Variants in RERE observed in about 807,000 individuals in gnomAD.
RERE encodes arginine-glutamic acid dipeptide repeats.
RERE carries 40 observed loss-of-function variants against 146.1 expected under a neutral mutation model. That is an observed-to-expected ratio of 0.27 (90% confidence interval 0.21 to 0.36). The LOEUF is 0.36. Ranked by LOEUF, RERE falls within the 10% of genes least tolerant of loss-of-function variation. RERE has a pLI of 1.00. For missense variants in RERE, 1,933 were observed against 2,138.7 expected, an observed-to-expected ratio of 0.90 and a Z score of 1.90; for synonymous variants, 1,003 against 866.0, an observed-to-expected ratio of 1.16 and a Z score of -2.78.
chr1:8,528,799 G>A (rs1186569845), intron 7 of RERE, among the ~76,000 whole-genome samples: 1 of 152,080 alleles, frequency 6.6e-6, no homozygotes, highest in Non-Finnish European at 1.5e-5. Flanking sequence ...ACCACAGAGA[G>A]AGTCAGACAG....
intron 12 of RERE, among the ~76,000 whole-genome samples, chr1:8,376,906 A>AC (rs1642277362): frequency 6.6e-6 from 1 of 152,158 alleles, no homozygotes; most frequent in South Asian, 2.1e-4. Context: ...AACCTCTATG[A>AC]CCTTGTTGCT....
intron 12 of RERE, among the ~76,000 whole-genome samples, chr1:8,371,810 C>T (rs1263148583): frequency 6.6e-6 from 1 of 152,202 alleles, no homozygotes; most frequent in Admixed American, 6.5e-5. Flanking sequence ...GGTATTAATA[C>T]TGGTTCTGCT....
chr1:8,740,909 G>A (rs1035678669), intron 1 of RERE, among the ~76,000 whole-genome samples: 4 of 152,158 alleles, frequency 2.6e-5, no homozygotes, highest in African/African-American at 9.7e-5. Context: ...AGTAGAGGAC[G>A]TACACTCTAA....
At chr1:8,789,301 A>ATATATATATATAT (rs1553149621) in intron 1 of RERE, among the ~76,000 whole-genome samples, 1 of 24,812 alleles carries the variant, frequency 4.0e-5, no homozygotes, top group South Asian at 1.4e-3. Context: ...AAAAAAAAAA[A>ATATATATATATAT]ATATATATAT....
chr1:8,470,119 ATCCCTATTCCTCAAAAAAATAG>A (rs967055661), intron 10 of RERE, among the ~76,000 whole-genome samples: 1 of 152,076 alleles, frequency 6.6e-6, no homozygotes, highest in African/African-American at 2.4e-5. Flanking sequence ...CTCTTAAAAT[ATCCCTATTCCTCAAAAAAATAG>A]TCCCTATTCC....
intron 1 of RERE, among the ~76,000 whole-genome samples, chr1:8,672,136 TAAAAAGAA>T (rs1162887653): frequency 6.6e-6 from 1 of 152,078 alleles, no homozygotes; most frequent in Non-Finnish European, 1.5e-5. Context: ...TAATAATTTT[TAAAAAGAA>T]AAAAAGAATA....
intron 1 of RERE, among the ~76,000 whole-genome samples, chr1:8,771,909 C>CA (rs768264978): frequency 0.066 from 3,838 of 58,530 alleles, 322 homozygotes; most frequent in African/African-American, 0.19. Context: ...GACTCTGTCT[C>CA]AAAAAAAAAA....
chr1:8,402,063 T>G (rs1315768004), intron 12 of RERE, among the ~76,000 whole-genome samples: 1 of 152,082 alleles, frequency 6.6e-6, no homozygotes, highest in African/African-American at 2.4e-5. Context: ...GAGACGAGGT[T>G]TCACCATGTT....
At chr1:8,631,887 G>T (rs1647040183) in intron 2 of RERE, among the ~76,000 whole-genome samples, 1 of 152,218 alleles carries the variant, frequency 6.6e-6, no homozygotes, top group South Asian at 2.1e-4. Flanking sequence ...TTGAAGTAGT[G>T]CTTGTGGCAC....
intron 4 of RERE, among the ~76,000 whole-genome samples, chr1:8,613,089 C>T (rs1646811441): frequency 1.3e-5 from 2 of 152,316 alleles, no homozygotes; most frequent in South Asian, 4.1e-4. Flanking sequence ...TCCTCTTCAT[C>T]TTACCCATGA....
intron 1 of RERE, among the ~76,000 whole-genome samples, chr1:8,677,787 C>G (rs1638876997): frequency 6.6e-6 from 1 of 152,136 alleles, no homozygotes; most frequent in Non-Finnish European, 1.5e-5. Flanking sequence ...GCAAAATAAT[C>G]CATGCAAACT....
intron 4 of RERE, among the ~76,000 whole-genome samples, chr1:8,598,295 C>G (rs1646579641): frequency 1.3e-5 from 2 of 152,188 alleles, no homozygotes; most frequent in Admixed American, 6.5e-5. Flanking sequence ...AAACAGGAAA[C>G]ATCCAACCAG....
rs1348399338 is a variant in RERE, at chr1:8,623,887, C to A, written c.396+423G>T. 2.6e-5 allele frequency among the ~76,000 whole-genome samples: 4 copies of A among 152,304 alleles called. No homozygotes were observed. The East Asian group carries it at 7.7e-4, about 29-fold the overall frequency. The stretch of plus-strand genomic sequence containing the variant: ...CAATTTCAACATCATATACTCCACA[C>A]CTGCCGAAATATTGAAGGAAGTGAC... On this transcript the variant is annotated intron_variant, in intron 3 of 22. Transcript: ENST00000400908.
At chr1:8,648,882 A>G (rs1325658326) in intron 2 of RERE, among the ~76,000 whole-genome samples, 1 of 152,158 alleles carries the variant, frequency 6.6e-6, no homozygotes, top group East Asian at 1.9e-4. Context: ...ATCAGTTAAT[A>G]TGACAAAATG....
chr1:8,526,821 C>T (rs1035963135), intron 7 of RERE, among the ~76,000 whole-genome samples: 7 of 152,176 alleles, frequency 4.6e-5, no homozygotes, highest in Non-Finnish European at 5.9e-5. Flanking sequence ...ATTCAAAATA[C>T]TAAGGCAGAT....
rs1638305044 is a variant in RERE at position 8,656,402 on chromosome 1, A to G, written c.-105T>C. The G allele has an allele frequency of 7.0e-7, 1 of 1,427,986 alleles. No individual in the cohort carries two copies. Among genetic ancestry groups the G allele is most frequent in the Non-Finnish European group, 9.4e-7 (1 of 1,062,584 alleles). 88.5% of individuals were successfully genotyped at this position (1,427,986 alleles called of 1,614,324 possible). A position where few individuals can be genotyped will look rare whatever the true frequency, so the allele number is the denominator to read the frequency against. On this transcript the variant is annotated 5_prime_UTR_variant, in exon 2 of 23. Transcript: ENST00000400908. ...CTGAATTTCTCACTCAATTCCAGGG[A>G]AAATCCAACCACTCCAACAACCCCA...
chr1:8,369,508 TAAAAAAAAAAAAA>T (rs1186718390), intron 12 of RERE, among the ~76,000 whole-genome samples: 3,610 of 77,104 alleles, frequency 0.047, 212 homozygotes, highest in African/African-American at 0.14. Context: ...CGCCTTTTAC[TAAAAAAAAAAAAA>T]AAAAAAAAAA....
chr1:8,389,533 G>A lies in RERE; in HGVS notation c.1285-23559C>T, dbSNP rs187342007. 3.1e-3 allele frequency among the ~76,000 whole-genome samples: 479 copies of A among 152,244 alleles called. 1 individual carries two copies. Among genetic ancestry groups the A allele is most frequent in the Non-Finnish European group, 4.7e-3 (320 of 68,006 alleles). On this transcript the variant is annotated intron_variant, in intron 12 of 22. Transcript: ENST00000400908. ...CCTAGCACGAAAAGCCAAGGTCACTGTGCCTCTTGTTTACAACAACACAAA... is the reference window on the plus strand; with the variant it reads ...CCTAGCACGAAAAGCCAAGGTCACTATGCCTCTTGTTTACAACAACACAAA...
intron 4 of RERE, among the ~76,000 whole-genome samples, chr1:8,602,118 C>T (rs1056158009): frequency 2.5e-4 from 38 of 152,142 alleles, no homozygotes; most frequent in South Asian, 8.3e-4. Context: ...AGTCTGGGTG[C>T]GGTGGCTCAT....
Sources: allele counts gnomAD v4.1 joint callset (sites outside exome capture counted in the v4.1 genomes callset), GRCh38; gene constraint gnomAD v4.1.1; transcripts MANE v1.5; gene names NCBI Gene and HGNC (gene_info 2026-07-23, HGNC 2026-07-21).